CADPS2: variants seen among roughly 807,000 people sequenced by gnomAD.
The protein encoded by CADPS2 is calcium-dependent secretion activator 2.
A neutral mutation model predicts 172.5 loss-of-function variants in CADPS2; 93 were observed. The ratio of observed to expected loss-of-function variants is 0.54; its 90% CI spans 0.46 to 0.64. The LOEUF (loss-of-function observed/expected upper bound fraction) is 0.64. Among genes scored for constraint, CADPS2 ranks in the 30% least tolerant of loss-of-function variants. CADPS2 has a pLI of 0.00. For synonymous variants in CADPS2, 546 were observed against 555.2 expected (o/e 0.98, Z 0.23); for missense variants, 1,420 against 1,565.9 (o/e 0.91, Z 1.57).
chr7:122,505,037 T>C (rs1249750799), intron 9 of CADPS2, among the ~76,000 whole-genome samples: 1 of 152,216 alleles, frequency 6.6e-6, no homozygotes, highest in Non-Finnish European at 1.5e-5. Context: ...ATTATCTTAA[T>C]TATACATTAT....
rs776760148 is a variant in CADPS2 at position 122,393,579 on chromosome 7, A to G, written c.2750T>C (p.Leu917Pro). The G allele has an allele frequency of 6.2e-7, 1 of 1,613,828 alleles. No individual in the cohort carries two copies. Among genetic ancestry groups the G allele is most frequent in the South Asian group, 1.1e-5 (1 of 91,068 alleles). Reference sequence around the variant, plus strand: ...TTTGTGAAATTTTCCATTACACAAAAGTGCTGAAATAGCCAAGCAGAAACA... The same window carrying G: ...TTTGTGAAATTTTCCATTACACAAAGGTGCTGAAATAGCCAAGCAGAAACA... ...LLNNFLRNDT[L>P]LCNGKFHKHL... Residue 917 changes from leucine to proline, a missense_variant, in exon 21 of 30, where the codon CTT becomes CCT. Transcript: ENST00000449022.
At chr7:122,375,564 T>C (rs2042242131) in intron 25 of CADPS2, among the ~76,000 whole-genome samples, 1 of 152,008 alleles carries the variant, frequency 6.6e-6, no homozygotes, top group Non-Finnish European at 1.5e-5. Context: ...TTGACCCTTA[T>C]CTTACAACAT....
At chr7:122,359,383 A>T (rs1359065791) in intron 27 of CADPS2, among the ~76,000 whole-genome samples, 2 of 152,126 alleles carry the variant, frequency 1.3e-5, no homozygotes, top group Non-Finnish European at 2.9e-5. Context: ...TTTGTAAGGG[A>T]TGTTAGAGAG....
intron 1 of CADPS2, among the ~76,000 whole-genome samples, chr7:122,795,529 C>A (rs1475992715): frequency 6.6e-6 from 1 of 152,092 alleles, no homozygotes; most frequent in African/African-American, 2.4e-5. Context: ...ATCAAGCCAG[C>A]TTTTTCCCTA....
intron 17 of CADPS2, among the ~76,000 whole-genome samples, chr7:122,423,263 T>C (rs1057092008): frequency 1.3e-4 from 20 of 152,110 alleles, no homozygotes; most frequent in African/African-American, 3.9e-4. Flanking sequence ...TCAATACTTA[T>C]AGGCTTTCTT....
At chr7:122,846,419 T>G (rs1812006717) in intron 1 of CADPS2, among the ~76,000 whole-genome samples, 1 of 152,190 alleles carries the variant, frequency 6.6e-6, no homozygotes, top group Non-Finnish European at 1.5e-5. Flanking sequence ...AAAGTAAACT[T>G]TAGGCTGAAT....
At chr7:122,686,118 T>A (rs1325284117) in intron 2 of CADPS2, among the ~76,000 whole-genome samples, 1 of 152,230 alleles carries the variant, frequency 6.6e-6, no homozygotes, top group Non-Finnish European at 1.5e-5. Context: ...AATTAACTAT[T>A]CTCTTCCAGT....
intron 1 of CADPS2, among the ~76,000 whole-genome samples, chr7:122,840,155 C>T (rs1353439205): frequency 3.3e-5 from 5 of 152,126 alleles, no homozygotes; most frequent in Admixed American, 6.5e-5. Flanking sequence ...TGGAAACCAT[C>T]GTTCTGAGCA....
intron 24 of CADPS2, chr7:122,382,398 T>C (rs756661387): frequency 6.6e-6 from 1 of 152,132 alleles, no homozygotes; most frequent in Non-Finnish European, 1.5e-5. Context: ...TGTGTGTTCA[T>C]CTGGGGTGGG....
At chr7:122,325,412 T>TGG in intron 29 of CADPS2, 65 bp downstream of exon 29, 1 of 1,003,076 alleles carries the variant, frequency 1.0e-6, no homozygotes, top group Non-Finnish European at 1.5e-6. Flanking sequence ...TTCTTGTATG[T>TGG]CAGTATCTTG....
intron 1 of CADPS2, among the ~76,000 whole-genome samples, chr7:122,774,396 C>T (rs1281205580): frequency 6.6e-6 from 1 of 151,648 alleles, no homozygotes; most frequent in Non-Finnish European, 1.5e-5. Flanking sequence ...TTTTTCTTTT[C>T]TATAAATGGA....
intron 28 of CADPS2, among the ~76,000 whole-genome samples, chr7:122,336,432 G>A (rs2035862565): frequency 6.6e-6 from 1 of 152,184 alleles, no homozygotes; most frequent in South Asian, 2.1e-4. Flanking sequence ...CTGGTCTCAG[G>A]GGAAGCCTGG....
chr7:122,734,677 G>T (rs552745923), intron 2 of CADPS2, among the ~76,000 whole-genome samples: 2 of 152,012 alleles, frequency 1.3e-5, no homozygotes, highest in Admixed American at 1.3e-4. Context: ...GGCATTTTGG[G>T]AAAAAAATTG....
intron 25 of CADPS2, chr7:122,366,742 A>C (rs1338330659): frequency 6.8e-6 from 1 of 146,050 alleles, no homozygotes; most frequent in Non-Finnish European, 1.5e-5. Flanking sequence ...TAATAACACA[A>C]TACAATTGTC....
intron 9 of CADPS2, among the ~76,000 whole-genome samples, chr7:122,504,856 G>A (rs149953925): frequency 2.0e-3 from 304 of 152,206 alleles, no homozygotes; most frequent in Non-Finnish European, 3.2e-3. Context: ...TCATCACCAT[G>A]CCCAGTCCGT....
intron 3 of CADPS2, among the ~76,000 whole-genome samples, chr7:122,635,320 T>C (rs1372868577): frequency 6.6e-6 from 1 of 151,932 alleles, no homozygotes; most frequent in African/African-American, 2.4e-5. Flanking sequence ...AGGGTACATG[T>C]GCACAATGTG....
chr7:122,421,579 T>C (rs80206565), intron 17 of CADPS2, among the ~76,000 whole-genome samples: 1,849 of 152,276 alleles, frequency 0.012, 10 homozygotes, highest in Middle Eastern at 0.024. Flanking sequence ...TTTTATTCCA[T>C]GTAAGGTACT....
rs749299775 is a variant in CADPS2 at position 122,730,991 on chromosome 7, ATTT to A, written c.453+5961_453+5963del. ...AATTTCATAATAAACATATTGAAAA[ATTT>A]TTTTTTAATTCATTGAAGGAATGAA... On this transcript the variant is annotated intron_variant, in intron 2 of 29. Transcript: ENST00000449022. Among the ~76,000 whole-genome samples, 4 of 128,342 alleles carry A rather than the reference ATTT, an allele frequency of 3.1e-5. No homozygotes were observed. In the East Asian group the frequency reaches 1.0e-3, roughly 32 times the overall value. 84.2% of individuals were successfully genotyped at this position (128,342 alleles called of 152,430 possible). A position where few individuals can be genotyped will look rare whatever the true frequency, so the allele number is the denominator to read the frequency against.
intron 8 of CADPS2, among the ~76,000 whole-genome samples, chr7:122,538,397 A>G (rs2062556877): frequency 6.7e-6 from 1 of 149,956 alleles, no homozygotes; most frequent in African/African-American, 2.4e-5. Flanking sequence ...GAGAAGCTTA[A>G]TTAGTTTAAA....
Sources: gnomAD v4.1 joint callset for allele counts (sites outside exome capture counted in the v4.1 genomes callset) on GRCh38, gnomAD v4.1.1 for gene constraint, MANE v1.5 for transcripts, NCBI Gene and HGNC (gene_info 2026-07-23, HGNC 2026-07-21) for gene names.